CYP4A11: variants seen among roughly 807,000 people sequenced by gnomAD.
CYP4A11 encodes the protein cytochrome P450 4A11.
Under a neutral mutation model 57.7 loss-of-function variants are expected in CYP4A11, and 52 were observed. The observed-to-expected ratio is 0.90, with a 90% CI of 0.72 to 1.14. The LOEUF is 1.14. CYP4A11 is among the 50% of genes most tolerant of loss of function. CYP4A11 has a pLI of 0.00. For missense variants in CYP4A11, 641 were observed against 642.1 expected (o/e 1.00, Z 0.02); for synonymous variants, 228 against 247.1 (o/e 0.92, Z 0.72).
chr1:46,935,547 T>A lies in CYP4A11; in HGVS notation c.611A>T (p.His204Leu). Residue 204 changes from histidine to leucine, a missense_variant, in exon 5 of 12, where the codon CAT becomes CTT. By Grantham distance (99) the His-to-Leu change is moderately conservative. Transcript: ENST00000310638. ...CCTGTCCACCTGGATGCTGCCCTGA[T>A]GGCTGAAGGCACACTTCATGATGGT... The part of the protein sequence containing the change: ...LDTIMKCAFS[H>L]QGSIQVDRNS... 6.2e-7 allele frequency: 1 copy of A among 1,613,964 alleles called. No individual in the cohort carries two copies. Among genetic ancestry groups the A allele is most frequent in the Non-Finnish European group, 8.5e-7 (1 of 1,179,846 alleles).
In CYP4A11 at chr1:46,932,853, C is replaced by T; in HGVS notation, c.1288-16G>A. The T allele has an allele frequency of 6.2e-7, 1 of 1,614,166 alleles. No homozygotes were observed. The highest frequency in any genetic ancestry group is 8.5e-7 in the Non-Finnish European group (1 of 1,180,034). On this transcript the variant is annotated splice_polypyrimidine_tract_variant and intron_variant, in intron 10 of 11. Transcript: ENST00000310638. ...GGTCAAACACCTGCAGAGAGAGCAC[C>T]AGAGCCAGGATAGTTAAGGATCCAG...
At position 46,932,364 on chromosome 1, in the gene CYP4A11, G is replaced by A. The variant is rs1308832802; in HGVS notation, c.1364+397C>T. ...AGGTAGTGTGCTGCATTGAGGATGT[G>A]TGGGGGGAGAGAAATCTACAGTTTA... is the stretch of plus-strand genomic sequence containing the variant. On this transcript the variant is annotated intron_variant, in intron 11 of 11. Transcript: ENST00000310638. 7 of 1,103,630 alleles carry A rather than the reference G, an allele frequency of 6.3e-6. No individual in the cohort carries two copies. In the South Asian group the frequency reaches 1.3e-4, roughly 21 times the overall value. 68.4% of individuals were successfully genotyped at this position (1,103,630 alleles called of 1,614,324 possible). A position where few individuals can be genotyped will look rare whatever the true frequency, so the allele number is the denominator to read the frequency against.
In CYP4A11 at chr1:46,934,995, A is replaced by G. The variant is rs1350592900; in HGVS notation, c.790+5T>C. Reference sequence around the variant, plus strand: ...AGGCTGGGAGACAAGAGGAAAAGACAGAACCTGTGTGCTGATGGGCCAGCT... The same window carrying G: ...AGGCTGGGAGACAAGAGGAAAAGACGGAACCTGTGTGCTGATGGGCCAGCT... On this transcript the variant is annotated splice_donor_5th_base_variant and intron_variant, in intron 6 of 11. Transcript: ENST00000310638. The G allele has an allele frequency of 6.2e-7, 1 of 1,613,064 alleles. No individual in the cohort carries two copies. Among genetic ancestry groups the G allele is most frequent in the Non-Finnish European group, 8.5e-7 (1 of 1,179,418 alleles).
chr1:46,933,132 C>G (rs571172092), intron 9 of CYP4A11, 85 bp from the exon 10 acceptor site: 2 of 1,569,144 alleles, frequency 1.3e-6, no homozygotes, highest in Non-Finnish European at 1.7e-6. Context: ...CAAAAGAAGG[C>G]CCAAAAAGCC....
At position 46,937,289 on chromosome 1, in the gene CYP4A11, T is replaced by C. The variant is rs1317543329; in HGVS notation, c.382+13A>G. The C allele has an allele frequency of 6.2e-7, 1 of 1,613,868 alleles. No homozygotes were observed. The highest frequency in any genetic ancestry group is 1.3e-5 in the African/African-American group (1 of 74,906). ...ACTAGGGAGTGGGCTGCAGTCCTAGTTTGCACACATACCAATCCATGGAGC... is the reference window on the plus strand; with the variant it reads ...ACTAGGGAGTGGGCTGCAGTCCTAGCTTGCACACATACCAATCCATGGAGC... On this transcript the variant is annotated intron_variant, in intron 3 of 11. Coordinates refer to ENST00000310638, the MANE Select transcript of CYP4A11 (RefSeq NM_000778.4).
chr1:46,935,589 G>A lies in CYP4A11; in HGVS notation c.569C>T (p.Ser190Phe), dbSNP rs770751722. The change falls in exon 5 of 12, where the codon TCC (serine) becomes TTC (phenylalanine). Residue 190 changes from serine (S) to phenylalanine (F), a missense_variant. Physicochemically the swap from Ser to Phe is radical, Grantham distance 155 (BLOSUM62 -2). Coordinates refer to ENST00000310638, the MANE Select transcript of CYP4A11 (RefSeq NM_000778.4). ...DSPLEVFQHV[S>F]LMTLDTIMKC... ...CATGATGGTGTCCAGGGTCATCAAG[G>A]AGACGTGCTGAAAGACCTCCAGAGG... 7 of 1,613,872 alleles carry A rather than the reference G, an allele frequency of 4.3e-6. No homozygotes were observed. The highest frequency in any genetic ancestry group is 5.9e-6 in the Non-Finnish European group (7 of 1,179,872).
Position 46,941,376 on chromosome 1 carries a change from G to A in CYP4A11, c.58C>T (p.Gln20Ter). ...AGCAGAATGAGCAGGGAGGCCGCTTGGAGGATTCCAGAGACATCACCCAGG... is the reference window on the plus strand; with the variant it reads ...AGCAGAATGAGCAGGGAGGCCGCTTAGAGGATTCCAGAGACATCACCCAGG... ...RLLGDVSGIL[Q>*]AASLLILLLL... The change falls in exon 1 of 12, where the codon CAA (glutamine) becomes TAA (stop). Residue 20 changes from glutamine (Q) to a stop codon, truncating the protein, a stop_gained. Transcript: ENST00000310638. LOFTEE classifies it high-confidence loss of function. 6.2e-7 allele frequency: 1 copy of A among 1,614,176 alleles called. No homozygotes were observed. Among genetic ancestry groups the A allele is most frequent in the Non-Finnish European group, 8.5e-7 (1 of 1,180,032 alleles).
chr1:46,931,724 G>A, intron 11 of CYP4A11: 1 of 656,212 alleles, frequency 1.5e-6, no homozygotes, highest in Non-Finnish European at 1.9e-6. Context: ...TCAGGAGGAA[G>A]CTTTTTCTTA....
chr1:46,932,046 G>A (rs1681059452), intron 11 of CYP4A11: 1 of 982,376 alleles, frequency 1.0e-6, no homozygotes, highest in South Asian at 4.7e-5. Flanking sequence ...CCAATATTGT[G>A]CTAAGTGGAT....
At chr1:46,931,064 G>A (rs1680996910) in intron 11 of CYP4A11, among the ~76,000 whole-genome samples, 1 of 152,176 alleles carries the variant, frequency 6.6e-6, no homozygotes, top group Non-Finnish European at 1.5e-5. Flanking sequence ...TTCATCACAG[G>A]TGGGACAGCA....
At position 46,934,191 on chromosome 1, in the gene CYP4A11, C is replaced by T; in HGVS notation, c.1073G>A (p.Gly358Glu). 1 of 1,613,898 alleles carries T rather than the reference C, an allele frequency of 6.2e-7. No individual in the cohort carries two copies. The highest frequency in any genetic ancestry group is 2.2e-5 in the East Asian group (1 of 44,840). Residue 358 changes from glycine (G) to glutamate (E), a missense_variant, in exon 8 of 12, where the codon GGA becomes GAA. Gly to Glu is a moderately conservative substitution (Grantham distance 98). Transcript: ENST00000310638. ...REEIHSLLGDGASITWNHLDQ... is the reference protein window; with the variant it reads ...REEIHSLLGDEASITWNHLDQ... ...CCTCACTCACCAGGTGATGGAGGCT[C>T]CATCACCCAGGAGGCTGTGGATCTC...
At position 46,938,134 on chromosome 1, in the gene CYP4A11, G is replaced by A. The variant is rs183136099; in HGVS notation, c.199C>T (p.Gln67Ter). The change falls in exon 2 of 12, where the codon CAA (glutamine) becomes TAA (stop). Residue 67 changes from glutamine (Q) to a stop codon, truncating the protein, a stop_gained. Coordinates refer to ENST00000310638, the MANE Select transcript of CYP4A11 (RefSeq NM_000778.4). LOFTEE classifies it high-confidence loss of function. ...ATCCGTTGTAGCTCCTGGTCCTGTT[G>A]GAGCTGTCAACAAGGGTAGACAGAT... Reference protein sequence around the residue: ...HWLFGHIQELQQDQELQRIQK... With the variant: ...HWLFGHIQEL 8.7e-6 allele frequency: 14 copies of A among 1,614,182 alleles called. No homozygotes were observed. In the East Asian group the frequency reaches 3.1e-4, roughly 36 times the overall value.
At position 46,929,522 on chromosome 1, in the gene CYP4A11, T is replaced by A. The variant is rs1453450643; in HGVS notation, c.*593A>T. 1.4e-5 allele frequency: 1 copy of A among 71,002 alleles called. No individual in the cohort carries two copies. The highest frequency in any genetic ancestry group is 3.8e-5 in the African/African-American group (1 of 26,024). The allele number at this position is 71,002 out of a possible 1,614,324, so 4.4% of individuals were successfully genotyped here. On this transcript the variant is annotated 3_prime_UTR_variant, in exon 12 of 12. Transcript: ENST00000310638. ...CAAACAAAGAAACAGGTGGTGAGAATGTGGGGGTCGAAAGGGCATGTTGCA... is the reference window on the plus strand; with the variant it reads ...CAAACAAAGAAACAGGTGGTGAGAAAGTGGGGGTCGAAAGGGCATGTTGCA...
intron 11 of CYP4A11, chr1:46,932,306 A>G (rs1200005209): frequency 4.9e-6 from 5 of 1,019,052 alleles, no homozygotes; most frequent in Non-Finnish European, 5.9e-6. Context: ...TCAATGATTC[A>G]TCTCTACGAC....
intron 10 of CYP4A11, 34 bp from the exon 11 acceptor site, chr1:46,932,871 G>C (rs763245802): frequency 6.2e-7 from 1 of 1,614,206 alleles, no homozygotes; most frequent in East Asian, 2.2e-5. Flanking sequence ...GGATAGTTAA[G>C]GATCCAGCAC....
In CYP4A11 at chr1:46,941,304, G is replaced by A. The variant is rs746660787; in HGVS notation, c.130C>T (p.Leu44=). 1.9e-6 allele frequency: 3 copies of A among 1,614,190 alleles called. No homozygotes were observed. In the Admixed American group the frequency reaches 5.0e-5, roughly 27 times the overall value. The stretch of plus-strand genomic sequence containing the variant: ...GGGAACTGCTGGAGGGCTTTGAGCA[G>A]CCACTGCCTGTGCAGGTAGAGCTGA... ...AVQLYLHRQW[L]LKALQQFPCP... The change falls in exon 1 of 12, where the codon CTG becomes TTG. Residue 44 remains leucine, a synonymous_variant. Coordinates refer to ENST00000310638, the MANE Select transcript of CYP4A11 (RefSeq NM_000778.4).
chr1:46,935,600 A>T lies in CYP4A11; in HGVS notation c.558T>A (p.Phe186Leu). 1.2e-6 allele frequency: 2 copies of T among 1,613,956 alleles called. No individual in the cohort carries two copies. Among genetic ancestry groups the T allele is most frequent in the Non-Finnish European group, 1.7e-6 (2 of 1,179,854 alleles). ...CCAGGGTCATCAAGGAGACGTGCTG[A>T]AAGACCTCCAGAGGGGAATCCTGGC... Reference protein sequence around the residue: ...LLGQDSPLEVFQHVSLMTLDT... With the variant: ...LLGQDSPLEVLQHVSLMTLDT... Residue 186 changes from phenylalanine to leucine, a missense_variant, in exon 5 of 12, where the codon TTT becomes TTA. By Grantham distance (22) the Phe-to-Leu change is conservative. Transcript: ENST00000310638.
At chr1:46,938,288 C>T in intron 1 of CYP4A11, 151 bp from the exon 2 acceptor site, 1 of 1,207,754 alleles carries the variant, frequency 8.3e-7, no homozygotes, top group Non-Finnish European at 1.2e-6. Flanking sequence ...GATTCTTGCT[C>T]TCTCCCCAGG....
At chr1:46,933,527 G>T (rs753367694) in intron 9 of CYP4A11, among the ~76,000 whole-genome samples, 4 of 152,176 alleles carry the variant, frequency 2.6e-5, no homozygotes, top group Non-Finnish European at 5.9e-5. Flanking sequence ...CCCAGATCTG[G>T]TCATCACTTT....
Sources: gnomAD v4.1 joint callset for allele counts (sites outside exome capture counted in the v4.1 genomes callset) on GRCh38, gnomAD v4.1.1 for gene constraint, MANE v1.5 for transcripts, NCBI Gene and HGNC (gene_info 2026-07-23, HGNC 2026-07-21) for gene names.